FOXK1: variants seen among roughly 807,000 people sequenced by gnomAD.
FOXK1 encodes forkhead box protein K1.
In FOXK1, 19 loss-of-function variants were observed where a neutral mutation model predicts 51.9. The ratio of observed to expected loss-of-function variants is 0.37; its 90% CI spans 0.26 to 0.54. FOXK1 has a LOEUF of 0.54. Ranked by LOEUF, FOXK1 falls within the 20% of genes least tolerant of loss-of-function variation. The pLI is 0.87. For missense variants in FOXK1, 870 were observed against 1,032.7 expected (o/e 0.84, Z 2.16); for synonymous variants, 537 against 482.6 (o/e 1.11, Z -1.48).
chr7:4,690,259 A>T (rs930789048), intron 1 of FOXK1, among the ~76,000 whole-genome samples: 2 of 152,264 alleles, frequency 1.3e-5, no homozygotes, highest in African/African-American at 2.4e-5. Context: ...TCACTGCTGC[A>T]GAGGTTGGAG....
At chr7:4,741,485 C>T (rs181259197) in intron 2 of FOXK1, among the ~76,000 whole-genome samples, 11 of 152,074 alleles carry the variant, frequency 7.2e-5, no homozygotes, top group African/African-American at 2.4e-4. Context: ...CCTGCTACCA[C>T]GCCTGGCTAA....
chr7:4,762,251 G>A lies in FOXK1; in HGVS notation c.1989G>A (p.Arg663=). ...CATCCGCGCCGGTGGTGGTCACCCG[G>A]GTGTGCGAGGTGGGGCCCAAGGAGC... ...ASSSAPVVVT[R]VCEVGPKEPA... Residue 663 remains arginine, a synonymous_variant, in exon 9 of 9, where the codon CGG becomes CGA. Transcript: ENST00000328914. The surrounding 1 kb of genome is among the most constrained non-coding windows in gnomAD (Gnocchi z 5.7). 6.4e-6 allele frequency: 10 copies of A among 1,552,040 alleles called. No individual in the cohort carries two copies. Among genetic ancestry groups the A allele is most frequent in the Non-Finnish European group, 4.4e-6 (5 of 1,147,394 alleles).
chr7:4,751,729 G>T (rs576202680), intron 2 of FOXK1, among the ~76,000 whole-genome samples: 1 of 152,230 alleles, frequency 6.6e-6, no homozygotes, highest in East Asian at 1.9e-4. Flanking sequence ...TGGTCCCTCA[G>T]CCCAGGTGGC....
In FOXK1 at chr7:4,682,474, C is replaced by G. The variant is rs1779759984; in HGVS notation, c.166C>G (p.Pro56Ala). ...GCCTCCGCCCGGGCCGCCGCCGCCG[C>G]CGCCACCGCCGCTGCCTCCGGGCGC... is the stretch of plus-strand genomic sequence containing the variant. Reference protein sequence around the residue: ...PQPPPGPPPPPPPPLPPGAIA... With the variant: ...PQPPPGPPPPAPPPLPPGAIA... The change falls in exon 1 of 9, where the codon CCG (proline) becomes GCG (alanine). Residue 56 changes from proline (P) to alanine (A), a missense_variant. By Grantham distance (27) the Pro-to-Ala change is conservative. Around this residue, in one of 3 missense-constraint regions of FOXK1, gnomAD observed 399 missense variants for 475.6 expected, o/e 0.84. Transcript: ENST00000328914. This position sits in a 1 kb window ranked among gnomAD's most constrained non-coding sequence, Gnocchi z 7.6. 1.0e-6 allele frequency: 1 copy of G among 988,644 alleles called. No homozygotes were observed. Among genetic ancestry groups the G allele is most frequent in the Admixed American group, 6.2e-5 (1 of 16,002 alleles). 61.2% of individuals were successfully genotyped at this position (988,644 alleles called of 1,614,324 possible).
At chr7:4,688,793 G>A (rs1323160230) in intron 1 of FOXK1, among the ~76,000 whole-genome samples, 1 of 151,936 alleles carries the variant, frequency 6.6e-6, no homozygotes, top group Non-Finnish European at 1.5e-5. Flanking sequence ...TGTCATTCCT[G>A]TAAACTGGTT....
rs1319657403 is a variant in FOXK1, at chr7:4,715,844, C to A, written c.561-24994C>A. On this transcript the variant is annotated intron_variant, in intron 1 of 8. Transcript: ENST00000328914. This position sits in a 1 kb window ranked among gnomAD's most constrained non-coding sequence, Gnocchi z 4.5. ...AGAAATGTAGGAAAAGCAAAACTCA[C>A]AAGACAATCCTTCCAGCCACTGGTC... Among the ~76,000 whole-genome samples, 1 of 152,196 alleles carries A rather than the reference C, an allele frequency of 6.6e-6. No individual in the cohort carries two copies.
At chr7:4,719,405 G>A (rs1340642578) in intron 1 of FOXK1, among the ~76,000 whole-genome samples, 2 of 152,222 alleles carry the variant, frequency 1.3e-5, no homozygotes, top group East Asian at 1.9e-4. Flanking sequence ...CTCCCAACGT[G>A]CTGGGATTAC....
At position 4,757,163 on chromosome 7, in the gene FOXK1, C is replaced by T. The variant is rs141497522; in HGVS notation, c.1220C>T (p.Thr407Ile). The T allele has an allele frequency of 3.7e-6, 6 of 1,610,906 alleles. No homozygotes were observed. Among genetic ancestry groups the T allele is most frequent in the Non-Finnish European group, 5.1e-6 (6 of 1,179,172 alleles). ...CAGAGGGGTGTCTCCTGCTTCCGCACCCCCTTCGGGCCTCTGTCCTCAAGG... is the reference window on the plus strand; with the variant it reads ...CAGAGGGGTGTCTCCTGCTTCCGCATCCCCTTCGGGCCTCTGTCCTCAAGG... ...RRQRGVSCFR[T>I]PFGPLSSRSA... Residue 407 changes from threonine (T) to isoleucine (I), a missense_variant, in exon 5 of 9, where the codon ACC becomes ATC. By Grantham distance (89) the Thr-to-Ile change is moderately conservative. Transcript: ENST00000328914.
At chr7:4,727,140 C>T (rs1236153952) in intron 1 of FOXK1, among the ~76,000 whole-genome samples, 3 of 151,644 alleles carry the variant, frequency 2.0e-5, no homozygotes, top group African/African-American at 2.4e-5. Flanking sequence ...TTTGTAGAGA[C>T]GGGGTCTCAC....
chr7:4,712,231 A>G (rs1780184415), intron 1 of FOXK1, among the ~76,000 whole-genome samples: 1 of 151,978 alleles, frequency 6.6e-6, no homozygotes, highest in Non-Finnish European at 1.5e-5. Flanking sequence ...CACCAAGAGC[A>G]TCTCCCGCCT....
At chr7:4,705,798 CAA>C (rs1158625906) in intron 1 of FOXK1, among the ~76,000 whole-genome samples, 1 of 150,706 alleles carries the variant, frequency 6.6e-6, no homozygotes, top group Non-Finnish European at 1.5e-5. Context: ...CTCAGCCTCT[CAA>C]AGTGGGATTA....
chr7:4,688,812 C>T (rs530401860), intron 1 of FOXK1, among the ~76,000 whole-genome samples: 50 of 152,156 alleles, frequency 3.3e-4, no homozygotes, highest in African/African-American at 1.1e-3. Context: ...TTACTAGACC[C>T]GGGGATTCCA....
Position 4,745,063 on chromosome 7 carries a change from C to T in FOXK1, c.746+4040C>T, listed in dbSNP as rs544392358. ...GGTGGAGCCGGCGTGTTTACAAACA[C>T]TCCCTGCCCTTCCCTGCCACCTCCC... On this transcript the variant is annotated intron_variant, in intron 2 of 8. Coordinates refer to ENST00000328914, the MANE Select transcript of FOXK1 (RefSeq NM_001037165.2). This position sits in a 1 kb window ranked among gnomAD's most constrained non-coding sequence, Gnocchi z 4.3. Among the ~76,000 whole-genome samples the T allele has an allele frequency of 6.6e-6, 1 of 152,374 alleles. No homozygotes were observed. Among genetic ancestry groups the T allele is most frequent in the South Asian group, 2.1e-4 (1 of 4,832 alleles).
chr7:4,757,235 T>G (rs1455596552), intron 5 of FOXK1, 48 bp downstream of exon 5: 1 of 1,514,302 alleles, frequency 6.6e-7, no homozygotes, highest in Non-Finnish European at 8.9e-7. Context: ...AAAGCTGAGC[T>G]GCCCTGGAGT....
In FOXK1 at chr7:4,682,421, C is replaced by A. The variant is rs2115024118; in HGVS notation, c.113C>A (p.Ala38Glu). ...AAAAAAFPAA[A>E]PPPAPAQPQP... The stretch of plus-strand genomic sequence containing the variant: ...GCCGCCGCCGCCTTCCCCGCGGCCG[C>A]ACCCCCGCCGGCCCCCGCGCAGCCC... The change falls in exon 1 of 9, where the codon GCA becomes GAA. Residue 38 changes from alanine (A) to glutamate (E), a missense_variant. Transcript: ENST00000328914. The surrounding 1 kb of genome is among the most constrained non-coding windows in gnomAD (Gnocchi z 7.6). 2.0e-6 allele frequency: 2 copies of A among 981,156 alleles called. No homozygotes were observed. Among genetic ancestry groups the A allele is most frequent in the Middle Eastern group, 1.0e-3 (2 of 1,912 alleles). The allele number at this position is 981,156 out of a possible 1,614,324, so 60.8% of individuals were successfully genotyped here.
chr7:4,720,907 C>A (rs1199705048), intron 1 of FOXK1, among the ~76,000 whole-genome samples: 2 of 150,556 alleles, frequency 1.3e-5, no homozygotes, highest in Non-Finnish European at 3.0e-5. Flanking sequence ...TTAGTATAGA[C>A]GGGGATCCAT....
At chr7:4,692,662 C>T (rs1033294878) in intron 1 of FOXK1, among the ~76,000 whole-genome samples, 7 of 152,236 alleles carry the variant, frequency 4.6e-5, no homozygotes, top group Admixed American at 4.6e-4. Context: ...GATCCGCCTG[C>T]CTCAGCCACC....
At chr7:4,698,615 C>T (rs996019740) in intron 1 of FOXK1, among the ~76,000 whole-genome samples, 1 of 152,112 alleles carries the variant, frequency 6.6e-6, no homozygotes, top group Non-Finnish European at 1.5e-5. Flanking sequence ...TACAGTGGCA[C>T]AGTCATAGCT....
In FOXK1 at chr7:4,709,251, C is replaced by T. The variant is rs558950109; in HGVS notation, c.560+26383C>T. Among the ~76,000 whole-genome samples the T allele has an allele frequency of 2.6e-5, 4 of 152,066 alleles. No homozygotes were observed. Among genetic ancestry groups the T allele is most frequent in the Non-Finnish European group, 5.9e-5 (4 of 68,000 alleles). On this transcript the variant is annotated intron_variant, in intron 1 of 8. Coordinates refer to ENST00000328914, the MANE Select transcript of FOXK1 (RefSeq NM_001037165.2). This position sits in a 1 kb window ranked among gnomAD's most constrained non-coding sequence, Gnocchi z 5.6. The stretch of plus-strand genomic sequence containing the variant: ...GCCTGGCATCCCCACCCTGTCATCC[C>T]GAGAATCCCACTGCATGTTTTGGAT...
Sources: gnomAD v4.1 joint callset for allele counts (sites outside exome capture counted in the v4.1 genomes callset) on GRCh38, gnomAD v4.1.1 for gene constraint, gnomAD v4.1.1 regional missense constraint, Gnocchi (gnomAD v3.1) non-coding constraint, MANE v1.5 for transcripts, NCBI Gene and HGNC (gene_info 2026-07-23, HGNC 2026-07-21) for gene names.